Variants in CADM2 observed in about 807,000 individuals in gnomAD.
CADM2 encodes the protein cell adhesion molecule 2.
A neutral mutation model predicts 49.8 loss-of-function variants in CADM2; 12 were observed. The ratio of observed to expected loss-of-function variants is 0.24; its 90% CI spans 0.15 to 0.39. The LOEUF is 0.39. Ranked by LOEUF, CADM2 falls within the 10% of genes least tolerant of loss-of-function variation. The pLI is 1.00. For synonymous variants in CADM2, 214 were observed against 175.4 expected (o/e 1.22, Z -1.74); for missense variants, 378 against 492.3 (o/e 0.77, Z 2.20).
intron 5 of CADM2, among the ~76,000 whole-genome samples, chr3:85,908,233 A>C (rs1436950662): frequency 7.0e-6 from 1 of 142,646 alleles, no homozygotes. Flanking sequence ...AAATCAAGAT[A>C]TCTTGGCTTT....
chr3:85,843,724 G>A (rs1205648742), intron 3 of CADM2, among the ~76,000 whole-genome samples: 1 of 152,082 alleles, frequency 6.6e-6, no homozygotes, highest in Non-Finnish European at 1.5e-5. Context: ...TTTTCTCCAA[G>A]CTCAGCAGTG....
chr3:85,064,877 C>T (rs2036469560), intron 1 of CADM2, among the ~76,000 whole-genome samples: 1 of 152,122 alleles, frequency 6.6e-6, no homozygotes, highest in Non-Finnish European at 1.5e-5. Flanking sequence ...AGGCACTGTG[C>T]ACATTTTCTC....
At chr3:85,976,049 G>GA (rs1029612085) in intron 8 of CADM2, among the ~76,000 whole-genome samples, 65 of 151,494 alleles carry the variant, frequency 4.3e-4, no homozygotes, top group African/African-American at 1.5e-3. Context: ...TTGTCCTATG[G>GA]AAAAAATTAA....
At chr3:85,128,368 A>G (rs966733408) in intron 1 of CADM2, among the ~76,000 whole-genome samples, 1 of 152,230 alleles carries the variant, frequency 6.6e-6, no homozygotes, top group African/African-American at 2.4e-5. Context: ...GAAGAAAATT[A>G]TTAGGATACC....
At chr3:85,040,868 G>C (rs998881905) in intron 1 of CADM2, among the ~76,000 whole-genome samples, 1 of 152,068 alleles carries the variant, frequency 6.6e-6, no homozygotes, top group African/African-American at 2.4e-5. Context: ...TATTACATGA[G>C]CATTTTATTA....
At chr3:84,995,210 T>C (rs1163124225) in intron 1 of CADM2, among the ~76,000 whole-genome samples, 2 of 152,150 alleles carry the variant, frequency 1.3e-5, no homozygotes, top group Non-Finnish European at 2.9e-5. Context: ...AACAGTGTTA[T>C]GTTATAGCGG....
intron 1 of CADM2, among the ~76,000 whole-genome samples, chr3:85,675,810 T>C (rs541171144): frequency 1.3e-5 from 2 of 152,298 alleles, no homozygotes; most frequent in East Asian, 3.9e-4. Context: ...ATTTAAGAAG[T>C]AAAAGCACCT....
intron 1 of CADM2, among the ~76,000 whole-genome samples, chr3:84,976,640 T>C (rs939497011): frequency 6.6e-6 from 1 of 151,864 alleles, no homozygotes; most frequent in Non-Finnish European, 1.5e-5. Flanking sequence ...GGATTGAGGC[T>C]CTACAGTTCA....
chr3:85,698,423 G>A (rs2017676), intron 1 of CADM2, among the ~76,000 whole-genome samples: 40,434 of 151,996 alleles, frequency 0.27, 5,477 homozygotes, highest in South Asian at 0.34. Context: ...AAAGAAATAC[G>A]TGAGACTGGG....
chr3:85,384,186 G>A (rs1361339862), intron 1 of CADM2, among the ~76,000 whole-genome samples: 2 of 151,814 alleles, frequency 1.3e-5, no homozygotes, highest in South Asian at 2.1e-4. Flanking sequence ...AAAGAAAAAC[G>A]ACATCCCATT....
At position 85,446,571 on chromosome 3, in the gene CADM2, T is replaced by C. The variant is rs2037460025; in HGVS notation, c.62-279951T>C. On this transcript the variant is annotated intron_variant, in intron 1 of 9. Transcript: ENST00000383699. ...ATAAAAGGATTATTATAATATTTTA[T>C]AAAAGTGTGTGTGTGAGTTTTTTTT... Among the ~76,000 whole-genome samples, 4 of 151,028 alleles carry C rather than the reference T, an allele frequency of 2.6e-5. No individual in the cohort carries two copies. In the South Asian group the frequency reaches 8.3e-4, roughly 31 times the overall value.
intron 1 of CADM2, among the ~76,000 whole-genome samples, chr3:85,147,684 A>G (rs112048659): frequency 0.13 from 15,868 of 118,226 alleles, 1,776 homozygotes; most frequent in African/African-American, 0.31. Flanking sequence ...TCAATTTAGT[A>G]TTGCACAATA....
chr3:85,824,963 T>A (rs753357222), intron 3 of CADM2, among the ~76,000 whole-genome samples: 1 of 152,032 alleles, frequency 6.6e-6, no homozygotes, highest in Non-Finnish European at 1.5e-5. Context: ...GCTCTGTGAA[T>A]GTGATGCCCA....
intron 3 of CADM2, among the ~76,000 whole-genome samples, chr3:85,862,832 G>A (rs2075587511): frequency 6.6e-6 from 1 of 152,148 alleles, no homozygotes; most frequent in Non-Finnish European, 1.5e-5. Context: ...TGATTATACA[G>A]TTGCTAGTAT....
intron 1 of CADM2, among the ~76,000 whole-genome samples, chr3:85,027,373 A>G (rs1402507308): frequency 6.6e-6 from 1 of 151,398 alleles, no homozygotes; most frequent in Non-Finnish European, 1.5e-5. Flanking sequence ...GGCCTCCTGA[A>G]GTGCTGGGAT....
In CADM2 at chr3:86,066,814, CA is replaced by C; in HGVS notation, c.*32del. The stretch of plus-strand genomic sequence containing the variant: ...AGGCCAAGATTCTGAGTTTTACTAC[CA>C]GGCTGAATGCTGGAGAAAACTGGCT... On this transcript the variant is annotated 3_prime_UTR_variant, in exon 10 of 10. Coordinates refer to ENST00000383699, the MANE Select transcript of CADM2 (RefSeq NM_001167675.2). The C allele has an allele frequency of 7.0e-7, 1 of 1,438,246 alleles. No individual in the cohort carries two copies. Among genetic ancestry groups the C allele is most frequent in the East Asian group, 2.3e-5 (1 of 44,018 alleles). 89.1% of individuals were successfully genotyped at this position (1,438,246 alleles called of 1,614,324 possible). A position where few individuals can be genotyped will look rare whatever the true frequency, so the allele number is the denominator to read the frequency against.
intron 1 of CADM2, among the ~76,000 whole-genome samples, chr3:85,710,524 G>A (rs932598656): frequency 1.3e-5 from 2 of 151,980 alleles, no homozygotes; most frequent in Non-Finnish European, 2.9e-5. Context: ...TGGAACATTG[G>A]ATATATTTTA....
intron 1 of CADM2, among the ~76,000 whole-genome samples, chr3:85,117,345 C>A (rs2038675848): frequency 6.6e-6 from 1 of 151,348 alleles, no homozygotes; most frequent in Non-Finnish European, 1.5e-5. Context: ...ATAAAAATAA[C>A]CCTAAGGAAT....
intron 7 of CADM2, among the ~76,000 whole-genome samples, chr3:85,959,150 A>ATCTCTCTC (rs71128104): frequency 0.42 from 61,623 of 145,162 alleles, 13,312 homozygotes; most frequent in Non-Finnish European, 0.49. Context: ...TTATCTATCT[A>ATCTCTCTC]TCTCTCTCTC....
Sources: allele counts gnomAD v4.1 joint callset (sites outside exome capture counted in the v4.1 genomes callset), GRCh38; gene constraint gnomAD v4.1.1; transcripts MANE v1.5; gene names NCBI Gene and HGNC (gene_info 2026-07-23, HGNC 2026-07-21).